Variants in HUNK observed in about 807,000 individuals in gnomAD.
HUNK encodes the protein hormonally up-regulated Neu-associated kinase, also known as hormonally up-regulated neu tumor-associated kinase.
Under a neutral mutation model 61.0 loss-of-function variants are expected in HUNK, and 21 were observed. The ratio of observed to expected loss-of-function variants is 0.34; its 90% confidence interval spans 0.24 to 0.50. The LOEUF (loss-of-function observed/expected upper bound fraction) is 0.50. Among genes scored for constraint, HUNK ranks in the 20% least tolerant of loss-of-function variants. The pLI is 0.98. For missense variants in HUNK, 772 were observed against 945.7 expected (o/e 0.82, Z 2.41); for synonymous variants, 371 against 386.1 (o/e 0.96, Z 0.46).
intron 8 of HUNK, among the ~76,000 whole-genome samples, chr21:31,987,966 A>G (rs1490173105): frequency 6.6e-6 from 1 of 152,176 alleles, no homozygotes; most frequent in Non-Finnish European, 1.5e-5. Flanking sequence ...GCTGTCATCA[A>G]CCCGTGTCCC....
chr21:31,979,676 T>C (rs186374339), intron 7 of HUNK, among the ~76,000 whole-genome samples: 1 of 151,386 alleles, frequency 6.6e-6, no homozygotes, highest in East Asian at 2.0e-4. Flanking sequence ...CCACCTCACC[T>C]GGCTAATTTT....
Position 31,946,175 on chromosome 21 carries a change from A to G in HUNK, c.746+4A>G. The G allele has an allele frequency of 6.2e-7, 1 of 1,606,502 alleles. No homozygotes were observed. The highest frequency in any genetic ancestry group is 8.5e-7 in the Non-Finnish European group (1 of 1,173,744). ...CCAAAATCGATGTCTGGTCCATGTG[A>G]GTTATCAAGCTTCTGAAAGTCAGTG... On this transcript the variant is annotated splice_donor_region_variant and intron_variant, in intron 4 of 10. Coordinates refer to ENST00000270112, the MANE Select transcript of HUNK (RefSeq NM_014586.2).
chr21:31,912,677 G>A (rs1283612830), intron 1 of HUNK, among the ~76,000 whole-genome samples: 2 of 152,126 alleles, frequency 1.3e-5, no homozygotes, highest in African/African-American at 4.8e-5. Flanking sequence ...AAGGAGCTGG[G>A]AACACAGGCC....
At chr21:31,994,025 G>A (rs565162156) in intron 9 of HUNK, among the ~76,000 whole-genome samples, 35 of 152,314 alleles carry the variant, frequency 2.3e-4, no homozygotes, top group Non-Finnish European at 3.8e-4. Flanking sequence ...CGTTTCCACC[G>A]GGCTCATGGG....
At chr21:31,972,717 A>G (rs1298841402) in intron 6 of HUNK, among the ~76,000 whole-genome samples, 1 of 152,210 alleles carries the variant, frequency 6.6e-6, no homozygotes, top group Admixed American at 6.5e-5. Context: ...AATCGTGCCA[A>G]TCCCTCTCCC....
rs1033782242 is a variant in HUNK at position 31,996,795 on chromosome 21, G to A, written c.1486+847G>A. ...TGTAGCGGGCAGTTAGTCCCTGAGC[G>A]GGACTTGAACCTGCCTCCTGTCCTT... On this transcript the variant is annotated intron_variant, in intron 10 of 10. Transcript: ENST00000270112. Among the ~76,000 whole-genome samples, 43 of 152,246 alleles carry A rather than the reference G, an allele frequency of 2.8e-4. 2 individuals are homozygous for A. The highest frequency in any genetic ancestry group is 1.9e-4 in the East Asian group (1 of 5,174).
At chr21:31,974,322 C>CAA (rs113469359) in intron 6 of HUNK, 31 of 325,728 alleles carry the variant, frequency 9.5e-5, no homozygotes, top group East Asian at 3.5e-4. Context: ...AATACTTCAG[C>CAA]AAAAAAAAAA....
intron 8 of HUNK, among the ~76,000 whole-genome samples, chr21:31,987,646 G>T (rs1322674691): frequency 1.3e-5 from 2 of 152,152 alleles, no homozygotes; most frequent in Non-Finnish European, 2.9e-5. Flanking sequence ...AACCCTAATG[G>T]GCAAACAGCA....
rs554646763 is a variant in HUNK, at chr21:31,910,655, A to AT, written c.262-13808dup. On this transcript the variant is annotated intron_variant, in intron 1 of 10. Coordinates refer to ENST00000270112, the MANE Select transcript of HUNK (RefSeq NM_014586.2). ...AGGCATGCGCCACCACGCCTGACTA[A>AT]TTTTTGTATTTTTAATAGAAACGGG... 6.8e-4 allele frequency among the ~76,000 whole-genome samples: 104 copies of AT among 151,950 alleles called. 2 individuals carry two copies. The East Asian group carries it at 0.016, about 23-fold the overall frequency.
At chr21:31,968,945 C>G (rs144645293) in intron 6 of HUNK, among the ~76,000 whole-genome samples, 44 of 151,988 alleles carry the variant, frequency 2.9e-4, no homozygotes, top group African/African-American at 9.9e-4. Context: ...GTGGCGTAAT[C>G]TCAGATCACT....
At chr21:31,895,586 CAG>C (rs1691240650) in intron 1 of HUNK, among the ~76,000 whole-genome samples, 1 of 152,176 alleles carries the variant, frequency 6.6e-6, no homozygotes, top group African/African-American at 2.4e-5. Context: ...CTCTGTGTGA[CAG>C]AGGAAAATTT....
At chr21:31,889,059 A>C (rs186625212) in intron 1 of HUNK, among the ~76,000 whole-genome samples, 10 of 152,268 alleles carry the variant, frequency 6.6e-5, no homozygotes, top group Admixed American at 2.0e-4. Context: ...AGGTTTTTGA[A>C]TCACATCGTG....
At chr21:31,966,280 T>C (rs948381300) in intron 5 of HUNK, among the ~76,000 whole-genome samples, 2 of 152,252 alleles carry the variant, frequency 1.3e-5, no homozygotes, top group Admixed American at 6.5e-5. Flanking sequence ...TTGGTGTTTA[T>C]ATATATGACA....
chr21:31,886,368 G>A (rs2052345706), intron 1 of HUNK, among the ~76,000 whole-genome samples: 1 of 151,210 alleles, frequency 6.6e-6, no homozygotes, highest in South Asian at 2.1e-4. Context: ...GGACGTTGCA[G>A]CGAGCCGAGA....
intron 2 of HUNK, among the ~76,000 whole-genome samples, chr21:31,932,532 G>T (rs940827143): frequency 1.3e-5 from 2 of 152,118 alleles, no homozygotes; most frequent in Non-Finnish European, 2.9e-5. Context: ...TTGTGCTTTT[G>T]AAAGAACTTC....
intron 1 of HUNK, among the ~76,000 whole-genome samples, chr21:31,888,783 A>C (rs2052366490): frequency 6.6e-6 from 1 of 152,114 alleles, no homozygotes; most frequent in South Asian, 2.1e-4. Flanking sequence ...TGCAAAAAAA[A>C]AGGGGGTTGT....
intron 1 of HUNK, among the ~76,000 whole-genome samples, chr21:31,884,077 C>T (rs2052328949): frequency 6.6e-6 from 1 of 152,130 alleles, no homozygotes; most frequent in African/African-American, 2.4e-5. Flanking sequence ...AACTGTGAGT[C>T]CATGTCCCAT....
intron 5 of HUNK, among the ~76,000 whole-genome samples, chr21:31,966,163 G>T (rs1449374151): frequency 1.4e-4 from 22 of 152,060 alleles, no homozygotes; most frequent in Admixed American, 1.4e-3. Flanking sequence ...CACAATGTTT[G>T]GTTTTTCCAT....
At chr21:31,929,946 T>C (rs1222628141) in intron 2 of HUNK, among the ~76,000 whole-genome samples, 1 of 152,230 alleles carries the variant, frequency 6.6e-6, no homozygotes, top group Non-Finnish European at 1.5e-5. Flanking sequence ...GGATTTCTGC[T>C]CACATCCAGG....
Sources: gnomAD v4.1 joint callset for allele counts (sites outside exome capture counted in the v4.1 genomes callset) on GRCh38, gnomAD v4.1.1 for gene constraint, MANE v1.5 for transcripts, NCBI Gene and HGNC (gene_info 2026-07-23, HGNC 2026-07-21) for gene names.